DNAI1: variants seen among roughly 807,000 people sequenced by gnomAD.
DNAI1 encodes dynein, axonemal, intermediate polypeptide 1.
A neutral mutation model predicts 92.0 loss-of-function variants in DNAI1; 67 were observed. The observed-to-expected ratio is 0.73, with a 90% confidence interval of 0.60 to 0.89. DNAI1 has a LOEUF of 0.89. DNAI1 is among the 40% of genes least tolerant of loss of function. The pLI is 0.00. For synonymous variants in DNAI1, 323 were observed against 319.6 expected (o/e 1.01, Z -0.11); for missense variants, 839 against 866.6 (o/e 0.97, Z 0.40).
intron 6 of DNAI1, 82 bp from the exon 7 acceptor site, chr9:34,490,287 C>G: frequency 2.5e-6 from 4 of 1,605,938 alleles, no homozygotes; most frequent in African/African-American, 2.7e-5. Flanking sequence ...CTGTCCTATC[C>G]TAGGACAGGG....
chr9:34,491,271 C>G, intron 7 of DNAI1: 1 of 612,938 alleles, frequency 1.6e-6, no homozygotes, highest in South Asian at 1.9e-5. Flanking sequence ...TTCCCTGCCC[C>G]TGCTTTCTAG....
At chr9:34,514,611 C>T (rs770365854) in intron 17 of DNAI1, 29 bp from the exon 18 acceptor site, 1 of 1,614,220 alleles carries the variant, frequency 6.2e-7, no homozygotes, top group East Asian at 2.2e-5. Flanking sequence ...CCCTCTGTGC[C>T]ATGGGCTTTC....
At chr9:34,519,854 A>G (rs1014832180) in intron 19 of DNAI1, among the ~76,000 whole-genome samples, 1 of 152,186 alleles carries the variant, frequency 6.6e-6, no homozygotes, top group Non-Finnish European at 1.5e-5. Context: ...CTGCCCCAGC[A>G]CAGCCCTCAC....
At chr9:34,520,053 G>T (rs1261810484) in intron 19 of DNAI1, among the ~76,000 whole-genome samples, 1 of 152,126 alleles carries the variant, frequency 6.6e-6, no homozygotes, top group Non-Finnish European at 1.5e-5. Context: ...ACGACACCTG[G>T]AGTCACATGG....
At chr9:34,516,748 T>TCTTTTC (rs1554691703) in intron 18 of DNAI1, among the ~76,000 whole-genome samples, 7 of 145,114 alleles carry the variant, frequency 4.8e-5, no homozygotes, top group South Asian at 2.2e-4. Context: ...TCTTTTCTTT[T>TCTTTTC]TTTTTTTTTT....
intron 1 of DNAI1, among the ~76,000 whole-genome samples, chr9:34,464,302 G>A (rs1823998794): frequency 6.6e-6 from 1 of 152,110 alleles, no homozygotes; most frequent in Admixed American, 6.6e-5. Flanking sequence ...ATTGCTCTTA[G>A]GATAGGGACC....
chr9:34,491,307 G>A (rs1044420703), intron 7 of DNAI1, 188 bp from the exon 8 acceptor site: 3 of 670,122 alleles, frequency 4.5e-6, no homozygotes, highest in Non-Finnish European at 5.4e-6. Context: ...AAGGAGGCCA[G>A]AATGGACACA....
At chr9:34,512,027 G>T (rs1163963314) in intron 13 of DNAI1, 82 bp from the exon 14 acceptor site, 9 of 1,369,642 alleles carry the variant, frequency 6.6e-6, no homozygotes, top group African/African-American at 1.4e-5. Flanking sequence ...TCAGATGGGT[G>T]CTTGGGGGAG....
intron 1 of DNAI1, 67 bp downstream of exon 1, chr9:34,459,120 A>T: frequency 1.4e-6 from 2 of 1,391,186 alleles, no homozygotes; most frequent in Non-Finnish European, 2.0e-6. Flanking sequence ...CACTAATCAT[A>T]CCTCTCCTAC....
chr9:34,500,229 A>G (rs1307866988), intron 10 of DNAI1, among the ~76,000 whole-genome samples: 1 of 152,180 alleles, frequency 6.6e-6, no homozygotes, highest in African/African-American at 2.4e-5. Context: ...CAGAGAACCC[A>G]TGGGGGATCT....
intron 1 of DNAI1, among the ~76,000 whole-genome samples, chr9:34,463,147 C>A (rs192133097): frequency 2.0e-4 from 31 of 152,104 alleles, no homozygotes; most frequent in Middle Eastern, 3.4e-3. Context: ...CTATGCAATA[C>A]CCGGGGGTAG....
intron 1 of DNAI1, among the ~76,000 whole-genome samples, chr9:34,459,956 C>G (rs1011739171): frequency 6.6e-6 from 1 of 152,170 alleles, no homozygotes; most frequent in African/African-American, 2.4e-5. Flanking sequence ...GAGAGAGGCC[C>G]TTTTCTCATC....
chr9:34,505,710 G>A (rs969954723), intron 12 of DNAI1, among the ~76,000 whole-genome samples: 7 of 152,186 alleles, frequency 4.6e-5, no homozygotes, highest in African/African-American at 1.7e-4. Flanking sequence ...TGGTATCCTT[G>A]TCTCTGTAGC....
chr9:34,484,976 G>A, intron 2 of DNAI1, 166 bp from the exon 3 acceptor site: 1 of 685,242 alleles, frequency 1.5e-6, no homozygotes, highest in East Asian at 3.0e-5. Context: ...ACTCTGGCCT[G>A]AGCAGTTCTT....
chr9:34,477,091 C>A (rs1033088898), intron 1 of DNAI1, among the ~76,000 whole-genome samples: 1 of 152,078 alleles, frequency 6.6e-6, no homozygotes, highest in Non-Finnish European at 1.5e-5. Context: ...TCATAGCGCA[C>A]TGCAGCCTTG....
Position 34,500,849 on chromosome 9 carries a change from G to A in DNAI1, c.1019+10G>A. On this transcript the variant is annotated intron_variant, in intron 11 of 19. Transcript: ENST00000242317. ...TCACTGCCCTCTGCTGGTAAGTATA[G>A]GCATTGCAGCAAATGCAGAGCCCCT... 1 of 1,608,764 alleles carries A rather than the reference G, an allele frequency of 6.2e-7. No homozygotes were observed. The highest frequency in any genetic ancestry group is 8.5e-7 in the Non-Finnish European group (1 of 1,175,232).
In DNAI1 at chr9:34,506,632, T is replaced by A; in HGVS notation, c.1069T>A (p.Phe357Ile). The change falls in exon 13 of 20, where the codon TTC (phenylalanine) becomes ATC (isoleucine). Residue 357 changes from phenylalanine to isoleucine, a missense_variant. By Grantham distance (21) the Phe-to-Ile change is conservative. Coordinates refer to ENST00000242317, the MANE Select transcript of DNAI1 (RefSeq NM_012144.4). ...LFAVGYGSYD[F>I]MKQSRGMLLL... The stretch of plus-strand genomic sequence containing the variant: ...CGCCCATCTTCCCTGGGTAGATGAC[T>A]TCATGAAGCAGAGCCGGGGCATGCT... 1 of 1,614,126 alleles carries A rather than the reference T, an allele frequency of 6.2e-7. No individual in the cohort carries two copies. The highest frequency in any genetic ancestry group is 8.5e-7 in the Non-Finnish European group (1 of 1,180,018).
At chr9:34,490,209 G>T in intron 6 of DNAI1, 85 bp downstream of exon 6, 1 of 1,611,820 alleles carries the variant, frequency 6.2e-7, no homozygotes, top group South Asian at 1.1e-5. Context: ...GAAAGGAGGA[G>T]GGAGACCTAA....
intron 1 of DNAI1, among the ~76,000 whole-genome samples, chr9:34,472,960 T>TCTGTAGTCAC (rs1319479182): frequency 6.6e-6 from 1 of 152,020 alleles, no homozygotes; most frequent in African/African-American, 2.4e-5. Flanking sequence ...TCCCCACAAT[T>TCTGTAGTCAC]CTGTAGTCAC....
Sources: allele counts gnomAD v4.1 joint callset (sites outside exome capture counted in the v4.1 genomes callset), GRCh38; gene constraint gnomAD v4.1.1; transcripts MANE v1.5; gene names NCBI Gene and HGNC (gene_info 2026-07-23, HGNC 2026-07-21).